The following RBFOX1 variants were observed in gnomAD, a reference collection of about 807,000 sequenced individuals.
The protein encoded by RBFOX1 is RNA binding fox-1 homolog 1.
A neutral mutation model predicts 57.7 loss-of-function variants in RBFOX1; 8 were observed. The ratio of observed to expected loss-of-function variants is 0.14; its 90% CI spans 0.08 to 0.25. RBFOX1 has a LOEUF of 0.25. Among genes scored for constraint, RBFOX1 ranks in the 10% least tolerant of loss-of-function variants. The pLI is 1.00. For missense variants in RBFOX1, 611 were observed against 548.5 expected, an observed-to-expected ratio of 1.11 and a Z score of -1.14; for synonymous variants, 326 against 222.4, an observed-to-expected ratio of 1.47 and a Z score of -4.15.
intron 4 of RBFOX1, among the ~76,000 whole-genome samples, chr16:5,928,015 C>G (rs2058971990): frequency 6.6e-6 from 1 of 152,098 alleles, no homozygotes; most frequent in South Asian, 2.1e-4. Context: ...TTTTAGTGAT[C>G]TGTGGCAGGG....
chr16:6,612,961 A>C (rs1034200858), intron 2 of RBFOX1, among the ~76,000 whole-genome samples: 1 of 151,768 alleles, frequency 6.6e-6, no homozygotes, highest in Non-Finnish European at 1.5e-5. Flanking sequence ...GCCCCCGTAC[A>C]GTTCACGTGC....
intron 2 of RBFOX1, among the ~76,000 whole-genome samples, chr16:5,583,941 C>G (rs2046753392): frequency 6.6e-6 from 1 of 152,212 alleles, no homozygotes; most frequent in Non-Finnish European, 1.5e-5. Flanking sequence ...AGGGACTTCT[C>G]TCCGGGAATG....
chr16:6,615,753 C>T (rs1000431562), intron 2 of RBFOX1, among the ~76,000 whole-genome samples: 4 of 152,214 alleles, frequency 2.6e-5, no homozygotes, highest in East Asian at 1.9e-4. Flanking sequence ...ATATAGCTTC[C>T]GTCTTTTCTC....
At chr16:7,175,148 G>A (rs541557186) in intron 4 of RBFOX1, among the ~76,000 whole-genome samples, 2 of 151,480 alleles carry the variant, frequency 1.3e-5, no homozygotes, top group Admixed American at 6.6e-5. Flanking sequence ...CCATCACCTC[G>A]GTATTAAGCC....
chr16:6,482,678 G>A (rs146380276), intron 2 of RBFOX1, among the ~76,000 whole-genome samples: 1 of 152,094 alleles, frequency 6.6e-6, no homozygotes, highest in Admixed American at 6.6e-5. Flanking sequence ...CTAAAGCTTC[G>A]CTCCTAAATA....
chr16:6,539,600 C>A (rs113485276), intron 2 of RBFOX1, among the ~76,000 whole-genome samples: 1,651 of 152,080 alleles, frequency 0.011, 36 homozygotes, highest in African/African-American at 0.037. Context: ...GAGTTCAAGA[C>A]CAGCCTGCCC....
intron 3 of RBFOX1, among the ~76,000 whole-genome samples, chr16:5,679,598 G>T (rs539873805): frequency 3.5e-4 from 53 of 152,252 alleles, no homozygotes; most frequent in African/African-American, 1.2e-3. Flanking sequence ...GTGAGAACAT[G>T]CAGTGTCTGG....
chr16:7,669,878 C>A (rs2070800380), intron 13 of RBFOX1, among the ~76,000 whole-genome samples: 1 of 152,116 alleles, frequency 6.6e-6, no homozygotes, highest in Admixed American at 6.6e-5. Flanking sequence ...TCCGCAGTCA[C>A]CATAGTGGAG....
Position 5,947,980 on chromosome 16 carries a change from G to A in RBFOX1, c.351+80645G>A, listed in dbSNP as rs535285097. 2.0e-4 allele frequency among the ~76,000 whole-genome samples: 30 copies of A among 152,276 alleles called. No individual in the cohort carries two copies. Among genetic ancestry groups the A allele is most frequent in the South Asian group, 1.2e-3 (6 of 4,828 alleles). Reference sequence around the variant, plus strand: ...TTCTTGATTGAATTCCCTTTTGACCGTGGCGCTGAGGACATATGTTCATAC... The same window carrying A: ...TTCTTGATTGAATTCCCTTTTGACCATGGCGCTGAGGACATATGTTCATAC... On this transcript the variant is annotated intron_variant, in intron 4 of 19. Transcript: ENST00000641259. This position sits in a 1 kb window ranked among gnomAD's most constrained non-coding sequence, Gnocchi z 7.2.
chr16:6,648,457 G>A (rs2098551390), intron 2 of RBFOX1, among the ~76,000 whole-genome samples: 1 of 152,110 alleles, frequency 6.6e-6, no homozygotes, highest in African/African-American at 2.4e-5. Context: ...TTTGCTGAAG[G>A]ACCGCATGGT....
chr16:6,991,947 G>T (rs558140330), intron 3 of RBFOX1, among the ~76,000 whole-genome samples: 4 of 152,282 alleles, frequency 2.6e-5, no homozygotes, highest in African/African-American at 7.2e-5. Flanking sequence ...AGGGTGGTGG[G>T]GGTGTCCCAG....
intron 4 of RBFOX1, among the ~76,000 whole-genome samples, chr16:7,484,326 C>G (rs1470208885): frequency 5.3e-5 from 8 of 152,148 alleles, no homozygotes; most frequent in Non-Finnish European, 1.2e-4. Flanking sequence ...CACATGTCTT[C>G]ATTTTGGGGA....
intron 4 of RBFOX1, among the ~76,000 whole-genome samples, chr16:7,491,377 C>G (rs1209895863): frequency 1.1e-5 from 1 of 90,882 alleles, no homozygotes; most frequent in Non-Finnish European, 2.7e-5. Context: ...TTGGGTTTTG[C>G]TTTAAGATTC....
At chr16:7,331,525 A>G (rs1192439298) in intron 4 of RBFOX1, among the ~76,000 whole-genome samples, 1 of 152,228 alleles carries the variant, frequency 6.6e-6, no homozygotes, top group Non-Finnish European at 1.5e-5. Flanking sequence ...GTCTCAGGTC[A>G]AAGCCTTCAA....
intron 2 of RBFOX1, among the ~76,000 whole-genome samples, chr16:5,563,672 G>C (rs2045965522): frequency 6.6e-6 from 1 of 152,146 alleles, no homozygotes; most frequent in Non-Finnish European, 1.5e-5. Context: ...TAAAATTACA[G>C]CTTTATTGAT....
chr16:6,802,061 T>A (rs1375340031), intron 3 of RBFOX1, among the ~76,000 whole-genome samples: 1 of 151,982 alleles, frequency 6.6e-6, no homozygotes, highest in Non-Finnish European at 1.5e-5. Context: ...CTGGGGAGTT[T>A]CTTCAGATCC....
intron 2 of RBFOX1, among the ~76,000 whole-genome samples, chr16:6,642,094 G>A (rs992856737): frequency 1.3e-5 from 2 of 152,132 alleles, no homozygotes; most frequent in Admixed American, 6.5e-5. Flanking sequence ...TATGTTTTAG[G>A]TGCTGGGGTC....
At chr16:7,081,814 C>G (rs900068224) in intron 4 of RBFOX1, among the ~76,000 whole-genome samples, 2 of 152,094 alleles carry the variant, frequency 1.3e-5, no homozygotes, top group Non-Finnish European at 2.9e-5. Flanking sequence ...AATAGGATTG[C>G]TCTTATTGAT....
At chr16:5,828,294 A>T (rs888326793) in intron 3 of RBFOX1, among the ~76,000 whole-genome samples, 6 of 152,192 alleles carry the variant, frequency 3.9e-5, no homozygotes, top group African/African-American at 1.4e-4. Flanking sequence ...TAAACAATTT[A>T]TAATTACTGT....
Sources: gnomAD v4.1 joint callset for allele counts (sites outside exome capture counted in the v4.1 genomes callset) on GRCh38, gnomAD v4.1.1 for gene constraint, Gnocchi (gnomAD v3.1) non-coding constraint, MANE v1.5 for transcripts, NCBI Gene and HGNC (gene_info 2026-07-23, HGNC 2026-07-21) for gene names.